PDE4D: variants seen among roughly 807,000 people sequenced by gnomAD.
PDE4D encodes 3',5'-cyclic-AMP phosphodiesterase 4D.
A neutral mutation model predicts 87.4 loss-of-function variants in PDE4D; 24 were observed. The observed-to-expected ratio is 0.27, with a 90% CI of 0.20 to 0.39. The LOEUF (loss-of-function observed/expected upper bound fraction) is 0.39. Ranked by LOEUF, PDE4D falls within the 10% of genes least tolerant of loss-of-function variation. The probability of loss-of-function intolerance (pLI) is 1.00; values close to 1 mark genes in which losing one functional copy is unlikely to be tolerated. For synonymous variants in PDE4D, 384 were observed against 383.2 expected (o/e 1.00, Z -0.02); for missense variants, 714 against 1,041.0 (o/e 0.69, Z 4.32).
At chr5:60,464,213 T>C (rs1452313959) in intron 1 of PDE4D, among the ~76,000 whole-genome samples, 1 of 152,196 alleles carries the variant, frequency 6.6e-6, no homozygotes, top group Non-Finnish European at 1.5e-5. Context: ...ACTGCCAGCC[T>C]CATCTTTGAT....
intron 2 of PDE4D, among the ~76,000 whole-genome samples, chr5:60,121,783 A>G (rs1172234970): frequency 6.6e-6 from 1 of 152,162 alleles, no homozygotes; most frequent in East Asian, 1.9e-4. Context: ...CCTTCCCAAT[A>G]GTCCCTGAAA....
intron 2 of PDE4D, among the ~76,000 whole-genome samples, chr5:60,124,470 A>G (rs1172043680): frequency 6.6e-6 from 1 of 151,746 alleles, no homozygotes; most frequent in Non-Finnish European, 1.5e-5. Flanking sequence ...GAAAAAAATA[A>G]TAGCAAATCA....
chr5:59,949,544 A>G lies in PDE4D; in HGVS notation c.272+38944T>C, dbSNP rs879650199. Among the ~76,000 whole-genome samples the G allele has an allele frequency of 5.9e-5, 9 of 152,178 alleles. No homozygotes were observed. In the South Asian group the frequency reaches 6.2e-4, roughly 11 times the overall value. On this transcript the variant is annotated intron_variant, in intron 3 of 16. Coordinates refer to the PDE4D transcript ENST00000502484. ...TCTGGTTTAACTATGAGACATGATA[A>G]GTAGACAATTCACATCAAATTGTAG...
At chr5:59,701,333 T>A (rs1413861430) in intron 1 of PDE4D, among the ~76,000 whole-genome samples, 1 of 152,202 alleles carries the variant, frequency 6.6e-6, no homozygotes, top group Admixed American at 6.5e-5. Flanking sequence ...TCCCTGATAA[T>A]CTACGTAAAT....
chr5:60,249,064 C>T (rs1748132442), intron 1 of PDE4D, among the ~76,000 whole-genome samples: 1 of 152,004 alleles, frequency 6.6e-6, no homozygotes, highest in Admixed American at 6.6e-5. Context: ...CAGGAAATGG[C>T]CCACTGCCAT....
chr5:60,112,642 T>C (rs2149360448), intron 2 of PDE4D, among the ~76,000 whole-genome samples: 1 of 152,210 alleles, frequency 6.6e-6, no homozygotes, highest in Middle Eastern at 3.4e-3. Flanking sequence ...AAGAGGTAAC[T>C]AAGAAATGTT....
intron 5 of PDE4D, among the ~76,000 whole-genome samples, chr5:59,054,911 A>T (rs983290533): frequency 6.6e-6 from 1 of 151,818 alleles, no homozygotes; most frequent in Admixed American, 6.6e-5. Flanking sequence ...TAATTAAAAA[A>T]CTCTCCCTCT....
chr5:59,198,154 TAAC>T (rs1201228643), intron 2 of PDE4D, among the ~76,000 whole-genome samples: 2 of 152,056 alleles, frequency 1.3e-5, no homozygotes, highest in Non-Finnish European at 2.9e-5. Context: ...AAAACAATTA[TAAC>T]AACAACAACC....
Position 60,033,716 on chromosome 5 carries a change from T to C in PDE4D, c.43-44999A>G, listed in dbSNP as rs1582275553. 2.0e-5 allele frequency among the ~76,000 whole-genome samples: 3 copies of C among 152,288 alleles called. No homozygotes were observed. The East Asian group carries it at 5.8e-4, about 29-fold the overall frequency. The stretch of plus-strand genomic sequence containing the variant: ...AGGATGTTGAAAAGCAGTGTGGGGT[T>C]TTTGAAGAGGAACATTTTCACACCA... On this transcript the variant is annotated intron_variant, in intron 2 of 16. Coordinates refer to the PDE4D transcript ENST00000502484.
chr5:60,483,360 T>G (rs183827954), intron 1 of PDE4D, among the ~76,000 whole-genome samples: 102 of 152,288 alleles, frequency 6.7e-4, no homozygotes, highest in Middle Eastern at 3.4e-3. Context: ...CCCAGTACTT[T>G]TTGCATATAC....
At chr5:59,389,812 G>C (rs1184288627) in intron 1 of PDE4D, among the ~76,000 whole-genome samples, 1 of 152,116 alleles carries the variant, frequency 6.6e-6, no homozygotes, top group Non-Finnish European at 1.5e-5. Flanking sequence ...GGATCTCTTG[G>C]AGGTAGAGAG....
chr5:59,133,786 T>A (rs1452315164), intron 5 of PDE4D, among the ~76,000 whole-genome samples: 1 of 152,124 alleles, frequency 6.6e-6, no homozygotes, highest in African/African-American at 2.4e-5. Context: ...ACAGGAACCA[T>A]CCAGCTACAC....
chr5:59,114,882 T>TG (rs1773321477), intron 5 of PDE4D, among the ~76,000 whole-genome samples: 1 of 140,344 alleles, frequency 7.1e-6, no homozygotes, highest in African/African-American at 2.8e-5. Flanking sequence ...GAGGAATAAG[T>TG]GGGGGGAAAA....
intron 2 of PDE4D, among the ~76,000 whole-genome samples, chr5:59,208,709 T>A (rs42470): frequency 0.84 from 127,837 of 152,172 alleles, 54,563 homozygotes; most frequent in Middle Eastern, 0.92. Context: ...TTGAAGAAAC[T>A]TGTTTAGCTA....
intron 2 of PDE4D, among the ~76,000 whole-genome samples, chr5:60,141,571 A>G (rs1220821657): frequency 6.6e-6 from 1 of 152,142 alleles, no homozygotes; most frequent in Non-Finnish European, 1.5e-5. Flanking sequence ...GTAAGTACAT[A>G]TGGGCTAATA....
chr5:59,160,392 T>C (rs980073387), intron 5 of PDE4D, among the ~76,000 whole-genome samples: 1 of 152,348 alleles, frequency 6.6e-6, no homozygotes, highest in East Asian at 1.9e-4. Context: ...AGCTATCTAG[T>C]GTACAACCTT....
chr5:59,306,862 T>C (rs1437553281), intron 1 of PDE4D, among the ~76,000 whole-genome samples: 1 of 121,818 alleles, frequency 8.2e-6, no homozygotes, highest in African/African-American at 3.5e-5. Context: ...AAAACTACTT[T>C]AAAGTTCATA....
intron 1 of PDE4D, among the ~76,000 whole-genome samples, chr5:59,533,539 T>C (rs1364339241): frequency 1.3e-5 from 2 of 152,316 alleles, no homozygotes; most frequent in African/African-American, 4.8e-5. Flanking sequence ...ATATGGATAT[T>C]TGGAAACATT....
intron 5 of PDE4D, among the ~76,000 whole-genome samples, chr5:59,175,050 G>A (rs1352631082): frequency 6.6e-6 from 1 of 152,176 alleles, no homozygotes; most frequent in Admixed American, 6.5e-5. Flanking sequence ...AGCTAAGGTT[G>A]TTCGAAAATG....
Sources: gnomAD v4.1 joint callset for allele counts (sites outside exome capture counted in the v4.1 genomes callset) on GRCh38, gnomAD v4.1.1 for gene constraint, MANE v1.5 for transcripts, NCBI Gene and HGNC (gene_info 2026-07-23, HGNC 2026-07-21) for gene names.